Variants in UBASH3A observed in about 807,000 individuals in gnomAD.
The protein encoded by UBASH3A is ubiquitin associated and SH3 domain containing A, also known as ubiquitin-associated and SH3 domain-containing protein A.
In UBASH3A, 63 loss-of-function variants were observed where a neutral mutation model predicts 73.5. The ratio of observed to expected loss-of-function variants is 0.86; its 90% CI spans 0.70 to 1.06. The LOEUF is 1.06. Ranked by LOEUF, UBASH3A falls within the 50% of genes least tolerant of loss-of-function variation. The pLI, the probability that UBASH3A is intolerant of heterozygous loss-of-function variation, is 0.00. For missense variants in UBASH3A, 860 were observed against 859.0 expected (o/e 1.00, Z -0.02); for synonymous variants, 363 against 351.1 (o/e 1.03, Z -0.38).
chr21:42,420,304 TAATACAGTATA>T (rs567036742), intron 7 of UBASH3A, among the ~76,000 whole-genome samples: 209 of 152,354 alleles, frequency 1.4e-3, no homozygotes, highest in African/African-American at 4.8e-3. Flanking sequence ...TTGTGATATG[TAATACAGTATA>T]AATACTATGC....
intron 8 of UBASH3A, among the ~76,000 whole-genome samples, chr21:42,429,425 A>G (rs1036497477): frequency 6.6e-6 from 1 of 152,170 alleles, no homozygotes; most frequent in African/African-American, 2.4e-5. Flanking sequence ...CTTTTGCTTT[A>G]TCATCATATT....
intron 2 of UBASH3A, among the ~76,000 whole-genome samples, chr21:42,407,050 G>A (rs1049043931): frequency 7.9e-5 from 12 of 152,018 alleles, no homozygotes; most frequent in African/African-American, 2.9e-4. Context: ...TGTGTGGGTC[G>A]GGTGAGGGCT....
At chr21:42,406,238 A>G (rs2146484735) in intron 1 of UBASH3A, 70 bp from the exon 2 acceptor site, 1 of 1,314,802 alleles carries the variant, frequency 7.6e-7, no homozygotes, top group Admixed American at 1.7e-5. Flanking sequence ...GCAAGGCCAC[A>G]CCCTGCCTCT....
chr21:42,430,971 G>C (rs551676582), intron 8 of UBASH3A, among the ~76,000 whole-genome samples: 20 of 152,310 alleles, frequency 1.3e-4, no homozygotes, highest in Non-Finnish European at 2.6e-4. Context: ...ATGTCAGCTG[G>C]CACATTAGTG....
rs567739756 is a variant in UBASH3A, at chr21:42,404,816, G to A, written c.113+758G>A. Among the ~76,000 whole-genome samples, 17 of 152,210 alleles carry A rather than the reference G, an allele frequency of 1.1e-4. No homozygotes were observed. The South Asian group carries it at 2.5e-3, about 22-fold the overall frequency. On this transcript the variant is annotated intron_variant, in intron 1 of 14. Transcript: ENST00000319294. ...AGGAAACTTCAGACACAGTGTGAGC[G>A]CGACCCTGCTTACCCAAGGGAAAGG... is the stretch of plus-strand genomic sequence containing the variant.
intron 3 of UBASH3A, chr21:42,410,245 A>G: frequency 4.3e-6 from 3 of 690,928 alleles, no homozygotes; most frequent in Non-Finnish European, 7.9e-6. Flanking sequence ...TCAGGAGAAA[A>G]GAAGGAGAAG....
intron 10 of UBASH3A, 193 bp downstream of exon 10, chr21:42,435,147 T>G: frequency 1.8e-6 from 1 of 553,398 alleles, no homozygotes; most frequent in Non-Finnish European, 3.1e-6. Flanking sequence ...AAAGTGGCAA[T>G]GTAGAGGTTT....
chr21:42,432,277 T>G (rs1364094577), intron 9 of UBASH3A, 75 bp downstream of exon 9: 4 of 990,246 alleles, frequency 4.0e-6, no homozygotes, highest in Non-Finnish European at 6.2e-6. Flanking sequence ...CTTAATGACC[T>G]TACATGGCAC....
Position 42,444,647 on chromosome 21 carries a change from C to T in UBASH3A, c.1848+4C>T, listed in dbSNP as rs187163275. The T allele has an allele frequency of 2.4e-4, 384 of 1,606,520 alleles. 4 individuals are homozygous for T. In the South Asian group the frequency reaches 3.2e-3, roughly 13 times the overall value. Reference sequence around the variant, plus strand: ...TTTTGCCCAACTCGTGAGAAAGGTACGCGCCCACTCTTGGCTCTTTGGGCC... The same window carrying T: ...TTTTGCCCAACTCGTGAGAAAGGTATGCGCCCACTCTTGGCTCTTTGGGCC... On this transcript the variant is annotated splice_donor_region_variant and intron_variant, in intron 14 of 14. Coordinates refer to ENST00000319294, the MANE Select transcript of UBASH3A (RefSeq NM_018961.4).
intron 2 of UBASH3A, among the ~76,000 whole-genome samples, 156 bp from the exon 3 acceptor site, chr21:42,409,266 T>C (rs2277803): frequency 1.3e-5 from 2 of 152,196 alleles, no homozygotes; most frequent in African/African-American, 4.8e-5. Context: ...ACCAGTAGGA[T>C]GGCTGTGAGA....
intron 11 of UBASH3A, among the ~76,000 whole-genome samples, chr21:42,441,442 GGCCCA>G (rs2053739797): frequency 2.0e-5 from 3 of 146,970 alleles, no homozygotes; most frequent in East Asian, 4.0e-4. Context: ...AGGACTTGGG[GGCCCA>G]GTTGATGGGG....
intron 6 of UBASH3A, among the ~76,000 whole-genome samples, chr21:42,418,093 A>T (rs1287554998): frequency 6.6e-6 from 1 of 151,994 alleles, no homozygotes; most frequent in African/African-American, 2.4e-5. Flanking sequence ...CATATTGGCC[A>T]GGCTGGTCTC....
At chr21:42,420,023 G>A (rs545110689) in intron 7 of UBASH3A, among the ~76,000 whole-genome samples, 1 of 152,260 alleles carries the variant, frequency 6.6e-6, no homozygotes, top group South Asian at 2.1e-4. Flanking sequence ...TGAAGTTGAA[G>A]AACATCCACT....
intron 6 of UBASH3A, among the ~76,000 whole-genome samples, chr21:42,418,040 TGTCC>T: frequency 6.6e-6 from 1 of 151,840 alleles, no homozygotes; most frequent in Non-Finnish European, 1.5e-5. Flanking sequence ...CCCGCCACCA[TGTCC>T]AGCTAATTTT....
intron 7 of UBASH3A, among the ~76,000 whole-genome samples, chr21:42,423,538 C>T (rs2053380108): frequency 6.6e-6 from 1 of 152,212 alleles, no homozygotes; most frequent in Non-Finnish European, 1.5e-5. Flanking sequence ...GTTGGGGCTC[C>T]CCTGTGGCCC....
At chr21:42,431,322 T>C (rs2053524767) in intron 8 of UBASH3A, among the ~76,000 whole-genome samples, 2 of 152,184 alleles carry the variant, frequency 1.3e-5, no homozygotes, top group African/African-American at 4.8e-5. Flanking sequence ...TTTGGGCTAC[T>C]TCCCCAAAGC....
intron 14 of UBASH3A, among the ~76,000 whole-genome samples, chr21:42,446,445 C>A (rs554158019): frequency 8.8e-4 from 134 of 152,288 alleles, no homozygotes; most frequent in African/African-American, 3.1e-3. Flanking sequence ...CTCACTCAGA[C>A]CCCCCTGCCA....
In UBASH3A at chr21:42,443,373, T is replaced by C; in HGVS notation, c.1693T>C (p.Cys565Arg). The change falls in exon 13 of 15, where the codon TGC becomes CGC. Residue 565 changes from cysteine (C) to arginine (R), a missense_variant. Coordinates refer to ENST00000319294, the MANE Select transcript of UBASH3A (RefSeq NM_018961.4). ...AESYQEYMDR[C>R]TASMVQIVNT... Reference sequence around the variant, plus strand: ...GAGCTACCAGGAGTACATGGACAGGTGCACGGCGAGCATGGTGCAAATCGT... The same window carrying C: ...GAGCTACCAGGAGTACATGGACAGGCGCACGGCGAGCATGGTGCAAATCGT... 2 of 1,613,320 alleles carry C rather than the reference T, an allele frequency of 1.2e-6. No homozygotes were observed. The highest frequency in any genetic ancestry group is 1.7e-6 in the Non-Finnish European group (2 of 1,179,666).
At chr21:42,415,383 T>C (rs35500161) in intron 5 of UBASH3A, among the ~76,000 whole-genome samples, 53,354 of 152,104 alleles carry the variant, frequency 0.35, 9,845 homozygotes, top group African/African-American at 0.45. Context: ...CTCTGGGCTG[T>C]GCAGCCTCAG....
Sources: gnomAD v4.1 joint callset for allele counts (sites outside exome capture counted in the v4.1 genomes callset) on GRCh38, gnomAD v4.1.1 for gene constraint, MANE v1.5 for transcripts, NCBI Gene and HGNC (gene_info 2026-07-23, HGNC 2026-07-21) for gene names.